GALNT18: variants seen among roughly 807,000 people sequenced by gnomAD.
GALNT18 encodes polypeptide N-acetylgalactosaminyltransferase 18, also known as GalNAc-transferase 18.
In GALNT18, 44 loss-of-function variants were observed where a neutral mutation model predicts 69.5. The ratio of observed to expected loss-of-function variants is 0.63; its 90% confidence interval spans 0.50 to 0.81. GALNT18 has a LOEUF of 0.81. Among genes scored for constraint, GALNT18 ranks in the 40% least tolerant of loss-of-function variants. The probability of loss-of-function intolerance (pLI) is 0.00; values close to 1 mark genes in which losing one functional copy is unlikely to be tolerated. For missense variants in GALNT18, 715 were observed against 810.0 expected, an observed-to-expected ratio of 0.88 and a Z score of 1.42; for synonymous variants, 364 against 318.2, an observed-to-expected ratio of 1.14 and a Z score of -1.53.
chr11:11,292,891 T>C, intron 10 of GALNT18, 138 bp downstream of exon 10: 2 of 711,304 alleles, frequency 2.8e-6, no homozygotes, highest in East Asian at 6.4e-5. Context: ...AGCAAAGCAG[T>C]CTGGAGCCAC....
chr11:11,576,484 A>G (rs1565022352), intron 1 of GALNT18, among the ~76,000 whole-genome samples: 1 of 152,224 alleles, frequency 6.6e-6, no homozygotes, highest in Non-Finnish European at 1.5e-5. Context: ...ATTTGTTGAA[A>G]TGTTCACCTA....
In GALNT18 at chr11:11,604,692, A is replaced by G. The variant is rs186259335; in HGVS notation, c.235+16667T>C. On this transcript the variant is annotated intron_variant, in intron 1 of 10. Coordinates refer to ENST00000227756, the MANE Select transcript of GALNT18 (RefSeq NM_198516.3). This position sits in a 1 kb window ranked among gnomAD's most constrained non-coding sequence, Gnocchi z 5.6. ...CTGTTTTCTCAAACTGGCAAAACCCAAAAGGCAAAGAGAAAGGGATAAGGA... is the reference window on the plus strand; with the variant it reads ...CTGTTTTCTCAAACTGGCAAAACCCGAAAGGCAAAGAGAAAGGGATAAGGA... Among the ~76,000 whole-genome samples, 643 of 152,336 alleles carry G rather than the reference A, an allele frequency of 4.2e-3. 2 individuals are homozygous for G. Among genetic ancestry groups the G allele is most frequent in the Non-Finnish European group, 6.3e-3 (430 of 68,006 alleles).
At chr11:11,297,626 G>A (rs1849425089) in intron 9 of GALNT18, among the ~76,000 whole-genome samples, 1 of 152,160 alleles carries the variant, frequency 6.6e-6, no homozygotes, top group Non-Finnish European at 1.5e-5. Flanking sequence ...CAGTACCAGA[G>A]AGCTGGAGGA....
intron 8 of GALNT18, among the ~76,000 whole-genome samples, chr11:11,331,503 C>T (rs1764608721): frequency 1.3e-5 from 2 of 152,300 alleles, no homozygotes; most frequent in African/African-American, 4.8e-5. Context: ...GGCAATTGTC[C>T]TGTTCACTAC....
intron 6 of GALNT18, among the ~76,000 whole-genome samples, chr11:11,364,054 A>AT (rs1198799396): frequency 6.6e-6 from 1 of 152,216 alleles, no homozygotes; most frequent in African/African-American, 2.4e-5. Context: ...TAAAAAACTA[A>AT]TTGGTCCCCT....
chr11:11,307,629 C>T (rs1440263850), intron 9 of GALNT18, among the ~76,000 whole-genome samples: 1 of 152,202 alleles, frequency 6.6e-6, no homozygotes, highest in Non-Finnish European at 1.5e-5. Context: ...GGTTCTGATG[C>T]TACCCCTTTC....
intron 9 of GALNT18, among the ~76,000 whole-genome samples, chr11:11,298,713 C>T (rs1564885928): frequency 1.3e-5 from 2 of 152,250 alleles, no homozygotes; most frequent in Non-Finnish European, 2.9e-5. Flanking sequence ...TCTAGAGCCC[C>T]TCTCCCAGCC....
chr11:11,296,760 A>G (rs4372446), intron 9 of GALNT18, among the ~76,000 whole-genome samples: 53,411 of 151,994 alleles, frequency 0.35, 9,552 homozygotes, highest in Admixed American at 0.38. Flanking sequence ...GGGGCAGACG[A>G]TTGTTATTTA....
chr11:11,322,128 A>G (rs1590036476), intron 9 of GALNT18, among the ~76,000 whole-genome samples: 1 of 152,372 alleles, frequency 6.6e-6, no homozygotes, highest in Non-Finnish European at 1.5e-5. Flanking sequence ...TAAATATTTT[A>G]CATGTGTTAA....
chr11:11,374,351 C>T (rs1245043840), intron 5 of GALNT18, among the ~76,000 whole-genome samples: 2 of 152,188 alleles, frequency 1.3e-5, no homozygotes, highest in African/African-American at 2.4e-5. Context: ...CACTTGAGAG[C>T]CTCTGGGACA....
chr11:11,467,581 C>A (rs983840507), intron 1 of GALNT18, among the ~76,000 whole-genome samples: 1 of 152,186 alleles, frequency 6.6e-6, no homozygotes. Flanking sequence ...CCAGGAGACA[C>A]GCCCACACGC....
chr11:11,509,813 C>A (rs760099571), intron 1 of GALNT18, among the ~76,000 whole-genome samples: 1 of 152,218 alleles, frequency 6.6e-6, no homozygotes, highest in Non-Finnish European at 1.5e-5. Context: ...TTAACACATG[C>A]GCTACTCCAT....
At chr11:11,512,477 C>T (rs1273694130) in intron 1 of GALNT18, among the ~76,000 whole-genome samples, 4 of 152,152 alleles carry the variant, frequency 2.6e-5, no homozygotes, top group African/African-American at 2.4e-5. Flanking sequence ...ATTCTGAGTG[C>T]GGCAAAGAAT....
At chr11:11,410,518 C>A (rs989432800) in intron 3 of GALNT18, among the ~76,000 whole-genome samples, 1 of 152,138 alleles carries the variant, frequency 6.6e-6, no homozygotes, top group Non-Finnish European at 1.5e-5. Context: ...AAGGGCACAT[C>A]GGTGGTATTT....
chr11:11,351,185 C>A (rs1006043698), intron 6 of GALNT18, among the ~76,000 whole-genome samples: 2 of 152,120 alleles, frequency 1.3e-5, no homozygotes, highest in East Asian at 3.9e-4. Context: ...AGATCTAGCC[C>A]CAAGGGGTGA....
intron 1 of GALNT18, among the ~76,000 whole-genome samples, chr11:11,575,324 TC>T (rs1858897353): frequency 6.6e-6 from 1 of 152,206 alleles, no homozygotes; most frequent in South Asian, 2.1e-4. Context: ...TATTACTTCC[TC>T]CTGGCACCCC....
chr11:11,619,178 T>A lies in GALNT18; in HGVS notation c.235+2181A>T, dbSNP rs2133976404. ...TCCAGTCTTTCCAAGTCACTGACCC[T>A]TCCCTACCTTCCTATAGGTGGCAGC... On this transcript the variant is annotated intron_variant, in intron 1 of 10. Transcript: ENST00000227756. This position sits in a 1 kb window ranked among gnomAD's most constrained non-coding sequence, Gnocchi z 4.9. 6.6e-6 allele frequency among the ~76,000 whole-genome samples: 1 copy of A among 152,284 alleles called. No individual in the cohort carries two copies. The highest frequency in any genetic ancestry group is 1.5e-5 in the Non-Finnish European group (1 of 68,002).
intron 1 of GALNT18, among the ~76,000 whole-genome samples, chr11:11,611,611 G>A (rs1414356727): frequency 6.6e-6 from 1 of 152,112 alleles, no homozygotes; most frequent in Non-Finnish European, 1.5e-5. Context: ...CCTGGACCTG[G>A]GACTTTCAGT....
intron 1 of GALNT18, among the ~76,000 whole-genome samples, chr11:11,474,365 G>A (rs1033677773): frequency 2.6e-5 from 4 of 152,176 alleles, no homozygotes; most frequent in African/African-American, 9.7e-5. Flanking sequence ...GGCTGAGAGT[G>A]GTAAAGATAG....
Sources: gnomAD v4.1 joint callset for allele counts (sites outside exome capture counted in the v4.1 genomes callset) on GRCh38, gnomAD v4.1.1 for gene constraint, Gnocchi (gnomAD v3.1) non-coding constraint, MANE v1.5 for transcripts, NCBI Gene and HGNC (gene_info 2026-07-23, HGNC 2026-07-21) for gene names.